Variants in PPFIA2 observed in about 807,000 individuals in gnomAD.
PPFIA2 encodes PPFI scaffold protein A2, also known as liprin-alpha-2.
In PPFIA2, 46 loss-of-function variants were observed where a neutral mutation model predicts 175.5. The ratio of observed to expected loss-of-function variants is 0.26; its 90% CI spans 0.21 to 0.34. The LOEUF (loss-of-function observed/expected upper bound fraction) is 0.34. Among genes scored for constraint, PPFIA2 ranks in the 10% least tolerant of loss-of-function variants. The probability of loss-of-function intolerance (pLI) is 1.00; values close to 1 mark genes in which losing one functional copy is unlikely to be tolerated. For synonymous variants in PPFIA2, 568 were observed against 511.4 expected (o/e 1.11, Z -1.49); for missense variants, 1,179 against 1,506.1 (o/e 0.78, Z 3.60).
At chr12:81,719,956 T>C (rs560011404) in intron 3 of PPFIA2, among the ~76,000 whole-genome samples, 3 of 151,592 alleles carry the variant, frequency 2.0e-5, no homozygotes, top group African/African-American at 7.2e-5. Flanking sequence ...GTCTTATTAA[T>C]AAATTATATC....
chr12:81,675,269 TCA>T (rs1358602003), intron 4 of PPFIA2, among the ~76,000 whole-genome samples: 1 of 151,732 alleles, frequency 6.6e-6, no homozygotes, highest in Non-Finnish European at 1.5e-5. Flanking sequence ...TCATGCCTAT[TCA>T]CTTTTATTTA....
intron 22 of PPFIA2, among the ~76,000 whole-genome samples, chr12:81,306,399 C>A (rs1357486137): frequency 6.6e-6 from 1 of 152,088 alleles, no homozygotes; most frequent in Non-Finnish European, 1.5e-5. Flanking sequence ...AAGCTGATAA[C>A]CCATCTAATA....
intron 19 of PPFIA2, among the ~76,000 whole-genome samples, chr12:81,343,440 T>G (rs544253509): frequency 6.6e-6 from 1 of 152,082 alleles, no homozygotes; most frequent in Non-Finnish European, 1.5e-5. Flanking sequence ...GAAGAGGCTA[T>G]AGGTAGATAG....
chr12:81,592,359 T>G (rs2058761046), intron 4 of PPFIA2, among the ~76,000 whole-genome samples: 1 of 152,150 alleles, frequency 6.6e-6, no homozygotes, highest in African/African-American at 2.4e-5. Context: ...TTTGGGGGAC[T>G]GTTGGGAAGG....
At chr12:81,406,599 G>T (rs2042979564) in intron 7 of PPFIA2, among the ~76,000 whole-genome samples, 1 of 151,952 alleles carries the variant, frequency 6.6e-6, no homozygotes, top group Admixed American at 6.6e-5. Context: ...TAGCATAAGT[G>T]ATCCTAGTAA....
Position 81,341,162 on chromosome 12 carries a change from T to G in PPFIA2, c.2309A>C (p.Lys770Thr), listed in dbSNP as rs1455179760. Residue 770 changes from lysine (K) to threonine (T), a missense_variant, in exon 20 of 33, where the codon AAA becomes ACA. Lys to Thr is a moderately conservative substitution (Grantham distance 78). Transcript: ENST00000549396. ...GGTAGGAGGAGGAGAAGTTTCACAT[T>G]TAATTGTTGCTTTGTCCTCTCGACC... ...EDGREDKATI[K>T]CETSPPPTPR... is the part of the protein sequence containing the mutation. 1.2e-6 allele frequency: 2 copies of G among 1,612,216 alleles called. No homozygotes were observed. The highest frequency in any genetic ancestry group is 2.2e-5 in the East Asian group (1 of 44,812).
rs1235759891 is a variant in PPFIA2, at chr12:81,299,313, G to T, written c.2712C>A (p.Val904=). Residue 904 remains valine, a synonymous_variant, in exon 23 of 33, where the codon GTC becomes GTA. Coordinates refer to ENST00000549396, the MANE Select transcript of PPFIA2 (RefSeq NM_003625.5). ...TTCATTCTCTTACCTCTAGCCATGCGACCACAGTTGGCCCATCCCACTGGG... is the reference window on the plus strand; with the variant it reads ...TTCATTCTCTTACCTCTAGCCATGCTACCACAGTTGGCCCATCCCACTGGG... ...PFAQWDGPTV[V]AWLELWLGMP... 6.3e-7 allele frequency: 1 copy of T among 1,594,426 alleles called. No individual in the cohort carries two copies. Among genetic ancestry groups the T allele is most frequent in the Non-Finnish European group, 8.5e-7 (1 of 1,169,712 alleles).
In PPFIA2 at chr12:81,263,538, G is replaced by A. The variant is rs1184393610; in HGVS notation, c.3556-148C>T. 1.0e-5 allele frequency: 6 copies of A among 599,964 alleles called. No individual in the cohort carries two copies. In the South Asian group the frequency reaches 2.6e-4, roughly 26 times the overall value. The allele number at this position is 599,964 out of a possible 1,614,324, so 37.2% of individuals were successfully genotyped here. A position where few individuals can be genotyped will look rare whatever the true frequency, so the allele number is the denominator to read the frequency against. ...GAATCACGCTTTATCAAGATAGTTAGTTCTATGATTCCAAAACAAGACTAT... is the reference window on the plus strand; with the variant it reads ...GAATCACGCTTTATCAAGATAGTTAATTCTATGATTCCAAAACAAGACTAT... On this transcript the variant is annotated intron_variant, in intron 30 of 32. Transcript: ENST00000549396.
chr12:81,274,809 T>C (rs1296129022), intron 28 of PPFIA2, among the ~76,000 whole-genome samples: 1 of 152,204 alleles, frequency 6.6e-6, no homozygotes, highest in Non-Finnish European at 1.5e-5. Context: ...AGATCAGTCA[T>C]AGGAAACAAG....
chr12:81,696,517 C>G (rs1484830579), intron 3 of PPFIA2, among the ~76,000 whole-genome samples: 2 of 152,124 alleles, frequency 1.3e-5, no homozygotes, highest in Non-Finnish European at 2.9e-5. Context: ...AATTTACACA[C>G]TTATGAAGGA....
chr12:81,564,603 T>C (rs2070902927), intron 4 of PPFIA2, among the ~76,000 whole-genome samples: 1 of 152,212 alleles, frequency 6.6e-6, no homozygotes, highest in East Asian at 1.9e-4. Context: ...TGGTGTGAAC[T>C]GTTTAGAGAG....
At chr12:81,755,816 C>T (rs1039324585) in intron 2 of PPFIA2, among the ~76,000 whole-genome samples, 4 of 152,076 alleles carry the variant, frequency 2.6e-5, no homozygotes, top group African/African-American at 9.7e-5. Flanking sequence ...TTTGTATGCA[C>T]ACTAAAATAT....
At chr12:81,721,067 C>A (rs1363270591) in intron 3 of PPFIA2, among the ~76,000 whole-genome samples, 1 of 147,870 alleles carries the variant, frequency 6.8e-6, no homozygotes, top group African/African-American at 2.5e-5. Flanking sequence ...TGAATGATAG[C>A]GTCCTAGCTA....
intron 7 of PPFIA2, among the ~76,000 whole-genome samples, chr12:81,410,383 G>A (rs946369221): frequency 6.6e-6 from 1 of 152,028 alleles, no homozygotes. Flanking sequence ...GGGATAGGAA[G>A]CATAATCATT....
chr12:81,643,049 T>C (rs1252785822), intron 4 of PPFIA2, among the ~76,000 whole-genome samples: 1 of 148,116 alleles, frequency 6.8e-6, no homozygotes, highest in Admixed American at 6.8e-5. Flanking sequence ...TTACATGTTA[T>C]ATATACACGT....
Position 81,582,311 on chromosome 12 carries a change from C to T in PPFIA2, c.303+94480G>A, listed in dbSNP as rs148270877. Among the ~76,000 whole-genome samples, 18 of 151,910 alleles carry T rather than the reference C, an allele frequency of 1.2e-4. No individual in the cohort carries two copies. In the East Asian group the frequency reaches 3.5e-3, roughly 29 times the overall value. On this transcript the variant is annotated intron_variant, in intron 4 of 32. Coordinates refer to ENST00000549396, the MANE Select transcript of PPFIA2 (RefSeq NM_003625.5). The stretch of plus-strand genomic sequence containing the variant: ...TTCTTTTCCTCAGACTACATAATGC[C>T]TGTGATTTTCTTCATCCTTTCTTCT...
At chr12:81,408,327 C>A (rs1354960512) in intron 7 of PPFIA2, among the ~76,000 whole-genome samples, 1 of 152,124 alleles carries the variant, frequency 6.6e-6, no homozygotes, top group Non-Finnish European at 1.5e-5. Context: ...CATTTGTTGA[C>A]ATTCCACTAA....
At chr12:81,547,542 A>C (rs893670921) in intron 4 of PPFIA2, among the ~76,000 whole-genome samples, 14 of 152,054 alleles carry the variant, frequency 9.2e-5, no homozygotes, top group African/African-American at 3.4e-4. Flanking sequence ...CACCTGCCTA[A>C]TTTTGTATTT....
At chr12:81,432,261 T>C (rs1313869657) in intron 7 of PPFIA2, among the ~76,000 whole-genome samples, 1 of 152,082 alleles carries the variant, frequency 6.6e-6, no homozygotes, top group East Asian at 1.9e-4. Flanking sequence ...ATACTAACTC[T>C]TCATTATAAT....
Sources: allele counts gnomAD v4.1 joint callset (sites outside exome capture counted in the v4.1 genomes callset), GRCh38; gene constraint gnomAD v4.1.1; transcripts MANE v1.5; gene names NCBI Gene and HGNC (gene_info 2026-07-23, HGNC 2026-07-21).